COL5A2: variants seen among roughly 807,000 people sequenced by gnomAD.
The protein encoded by COL5A2 is collagen alpha-2(V) chain.
In COL5A2, 23 loss-of-function variants were observed where a neutral mutation model predicts 208.2. The ratio of observed to expected loss-of-function variants is 0.11; its 90% CI spans 0.08 to 0.16. The LOEUF is 0.16. Ranked by LOEUF, COL5A2 falls within the 10% of genes least tolerant of loss-of-function variation. The pLI, the probability that COL5A2 is intolerant of heterozygous loss-of-function variation, is 1.00. For missense variants in COL5A2, 1,590 were observed against 1,956.4 expected (o/e 0.81, Z 3.53); for synonymous variants, 625 against 628.5 (o/e 0.99, Z 0.08).
At chr2:189,297,033 T>A in the COL5A2 span, among the ~76,000 whole-genome samples, 13 of 152,204 alleles carry the variant, frequency 8.5e-5, no homozygotes, top group African/African-American at 2.9e-4. Flanking sequence ...CTGTGCCATG[T>A]CTTGAAAATG....
the COL5A2 span, among the ~76,000 whole-genome samples, chr2:189,300,390 C>A: frequency 6.6e-6 from 1 of 152,072 alleles, no homozygotes; most frequent in Non-Finnish European, 1.5e-5. Flanking sequence ...ATTATATCCA[C>A]GTTTTCTGTT....
the COL5A2 span, among the ~76,000 whole-genome samples, chr2:189,385,113 C>T: frequency 6.6e-6 from 1 of 151,984 alleles, no homozygotes; most frequent in Non-Finnish European, 1.5e-5. Context: ...ACTAAGTTCA[C>T]AGATTTCTTA....
intron 1 of COL5A2, among the ~76,000 whole-genome samples, chr2:189,161,986 G>A (rs1357536911): frequency 6.6e-6 from 1 of 152,272 alleles, no homozygotes; most frequent in South Asian, 2.1e-4. Flanking sequence ...TGAAGGGGAG[G>A]AAAAAATAAG....
chr2:189,074,975 A>T (rs528310022), intron 17 of COL5A2, among the ~76,000 whole-genome samples: 2 of 152,314 alleles, frequency 1.3e-5, no homozygotes, highest in African/African-American at 2.4e-5. Context: ...AAAAGAGCTC[A>T]AAAACCATTT....
At chr2:189,358,672 C>A in the COL5A2 span, among the ~76,000 whole-genome samples, 1 of 152,104 alleles carries the variant, frequency 6.6e-6, no homozygotes, top group Non-Finnish European at 1.5e-5. Flanking sequence ...ATAGTGTGAA[C>A]ATTTTAAAAA....
chr2:189,065,091 G>T (rs1315175871), intron 23 of COL5A2, 34 bp from the exon 24 acceptor site: 2 of 1,605,040 alleles, frequency 1.2e-6, no homozygotes, highest in South Asian at 1.1e-5. Flanking sequence ...CTTAATTGTT[G>T]TTGATATTTT....
At chr2:189,139,175 C>T (rs527805263) in intron 1 of COL5A2, among the ~76,000 whole-genome samples, 32 of 152,086 alleles carry the variant, frequency 2.1e-4, no homozygotes, top group African/African-American at 6.3e-4. Flanking sequence ...TTTGGGAGGC[C>T]GAGGCAGGAG....
the COL5A2 span, among the ~76,000 whole-genome samples, chr2:189,274,233 T>G: frequency 1.3e-5 from 2 of 152,172 alleles, no homozygotes; most frequent in East Asian, 3.8e-4. Context: ...TCCTTTTATC[T>G]ACTCAGCCTA....
Position 189,036,630 on chromosome 2 carries a change from T to C in COL5A2, c.4099A>G (p.Asn1367Asp). 6.2e-7 allele frequency: 1 copy of C among 1,613,044 alleles called. No homozygotes were observed. Among genetic ancestry groups the C allele is most frequent in the Non-Finnish European group, 8.5e-7 (1 of 1,179,080 alleles). The change falls in exon 52 of 54, where the codon AAC becomes GAC. Residue 1367 changes from asparagine to aspartate, a missense_variant. By Grantham distance (23) the Asn-to-Asp change is conservative. Transcript: ENST00000374866. ...NKPVWYGLDM[N>D]RGSQFAYGDH... The stretch of plus-strand genomic sequence containing the variant: ...TATTAAATTACCTGAGACCCTCTGT[T>C]CATATCAAGACCATACCAAACAGGT...
At chr2:189,278,343 C>T in the COL5A2 span, among the ~76,000 whole-genome samples, 1 of 151,958 alleles carries the variant, frequency 6.6e-6, no homozygotes, top group Admixed American at 6.6e-5. Flanking sequence ...GGTTTTTATA[C>T]AGGAAATTTT....
At chr2:189,309,283 A>G in the COL5A2 span, among the ~76,000 whole-genome samples, 1 of 152,234 alleles carries the variant, frequency 6.6e-6, no homozygotes, top group Non-Finnish European at 1.5e-5. Context: ...TAGCATCCCG[A>G]TAAGATCTCA....
the COL5A2 span, among the ~76,000 whole-genome samples, chr2:189,422,753 G>A: frequency 2.0e-5 from 3 of 152,124 alleles, no homozygotes; most frequent in Non-Finnish European, 2.9e-5. Context: ...GGCCAGGCGT[G>A]GTGGCTCACA....
At chr2:189,321,760 C>T in the COL5A2 span, among the ~76,000 whole-genome samples, 4 of 152,178 alleles carry the variant, frequency 2.6e-5, no homozygotes, top group Non-Finnish European at 5.9e-5. Context: ...CAACATTAGA[C>T]AGATCAATGA....
rs368776400 is a variant in COL5A2 at position 189,062,999 on chromosome 2, T to G, written c.1923+11A>C. 6.2e-7 allele frequency: 1 copy of G among 1,614,090 alleles called. No homozygotes were observed. The highest frequency in any genetic ancestry group is 8.5e-7 in the Non-Finnish European group (1 of 1,179,974). On this transcript the variant is annotated intron_variant, in intron 28 of 53. Coordinates refer to ENST00000374866, the MANE Select transcript of COL5A2 (RefSeq NM_000393.5). ...TACATTATTTTTCTTTAGCAGAAAA[T>G]GTATATTTACCCTCTGCCCAGGAAC...
intron 1 of COL5A2, among the ~76,000 whole-genome samples, chr2:189,178,405 T>C (rs1435873801): frequency 1.3e-5 from 2 of 151,932 alleles, no homozygotes; most frequent in Non-Finnish European, 2.9e-5. Context: ...TATATACCTG[T>C]ATGTATGTGT....
chr2:189,261,630 A>G, the COL5A2 span, among the ~76,000 whole-genome samples: 4 of 152,188 alleles, frequency 2.6e-5, no homozygotes, highest in Non-Finnish European at 5.9e-5. Flanking sequence ...ATTTGGCTTC[A>G]TGACCCAGAT....
At chr2:189,323,322 G>A in the COL5A2 span, among the ~76,000 whole-genome samples, 6 of 152,184 alleles carry the variant, frequency 3.9e-5, no homozygotes, top group East Asian at 1.9e-4. Context: ...TCTGGCCAAG[G>A]CAATGAGGCA....
At chr2:189,047,641 A>T (rs1685697823) in intron 45 of COL5A2, among the ~76,000 whole-genome samples, 1 of 152,182 alleles carries the variant, frequency 6.6e-6, no homozygotes, top group Admixed American at 6.5e-5. Context: ...CTTTAATTAC[A>T]TCATAACAGA....
chr2:189,066,355 C>T (rs751565706), intron 23 of COL5A2, 35 bp downstream of exon 23: 1 of 1,554,414 alleles, frequency 6.4e-7, no homozygotes, highest in Admixed American at 1.7e-5. Context: ...AATTCCCTCA[C>T]AACTGTAAGA....
Sources: gnomAD v4.1 joint callset for allele counts (sites outside exome capture counted in the v4.1 genomes callset) on GRCh38, gnomAD v4.1.1 for gene constraint, MANE v1.5 for transcripts, NCBI Gene and HGNC (gene_info 2026-07-23, HGNC 2026-07-21) for gene names.